The following LSS variants were observed in gnomAD, a reference collection of about 807,000 sequenced individuals.
LSS encodes 2,3-epoxysqualene-lanosterol cyclase.
A neutral mutation model predicts 110.3 loss-of-function variants in LSS; 90 were observed. That is an observed-to-expected ratio of 0.82 (90% CI 0.69 to 0.97). The LOEUF (loss-of-function observed/expected upper bound fraction) is 0.97, where lower values mean the gene tolerates loss of function less well. LSS is among the 50% of genes least tolerant of loss of function. LSS has a pLI of 0.00. For synonymous variants in LSS, 433 were observed against 400.0 expected, an observed-to-expected ratio of 1.08 and a Z score of -0.98; for missense variants, 927 against 990.0, an observed-to-expected ratio of 0.94 and a Z score of 0.85.
In LSS at chr21:46,190,108, G is replaced by A; in HGVS notation, c.*996C>T. The A allele has an allele frequency of 4.3e-6, 1 of 232,908 alleles. No individual in the cohort carries two copies. The highest frequency in any genetic ancestry group is 1.5e-4 in the East Asian group (1 of 6,676). The allele number at this position is 232,908 out of a possible 1,614,324, so 14.4% of individuals were successfully genotyped here. A position where few individuals can be genotyped will look rare whatever the true frequency, so the allele number is the denominator to read the frequency against. ...CCTGGGTATATGCCGGGCTCCCAGG[G>A]TGCCATACCTGCCAGCCAGCCCAGG... On this transcript the variant is annotated 3_prime_UTR_variant, in exon 22 of 22. Coordinates refer to ENST00000397728, the MANE Select transcript of LSS (RefSeq NM_002340.6). This position sits in a 1 kb window ranked among gnomAD's most constrained non-coding sequence, Gnocchi z 4.6.
intron 19 of LSS, among the ~76,000 whole-genome samples, chr21:46,195,246 C>T (rs2079893739): frequency 6.6e-6 from 1 of 152,196 alleles, no homozygotes; most frequent in African/African-American, 2.4e-5. Flanking sequence ...ACCAGGGAAA[C>T]ATCTTCATTT....
Position 46,189,602 on chromosome 21 carries a change from C to T in LSS, c.*1502G>A. ...CTGGGTGAGAGCCCTGGACTGCACA[C>T]CAAGGCAGAGGGGTGCCCCTGAAGG... On this transcript the variant is annotated 3_prime_UTR_variant, in exon 22 of 22. Coordinates refer to ENST00000397728, the MANE Select transcript of LSS (RefSeq NM_002340.6). The T allele has an allele frequency of 2.2e-6, 1 of 452,540 alleles. No homozygotes were observed. Among genetic ancestry groups the T allele is most frequent in the Non-Finnish European group, 4.4e-6 (1 of 225,588 alleles). The allele number at this position is 452,540 out of a possible 1,614,324, so 28.0% of individuals were successfully genotyped here.
intron 4 of LSS, 80 bp downstream of exon 4, chr21:46,222,550 G>T: frequency 2.3e-6 from 3 of 1,300,436 alleles, no homozygotes; most frequent in Non-Finnish European, 3.2e-6. Context: ...CCTGGCAGCT[G>T]CCTGGAAACC....
At chr21:46,205,726 T>G in intron 17 of LSS, 110 bp downstream of exon 17, 197 of 755,412 alleles carry the variant, frequency 2.6e-4, no homozygotes, top group Non-Finnish European at 3.3e-4. Context: ...CATGTTTCCA[T>G]GAGTTTCGCT....
Position 46,219,553 on chromosome 21 carries a change from G to A in LSS, c.570C>T (p.Pro190=), listed in dbSNP as rs779122540. ...LHKKGGAVAI[P]SWGKFWLAVL... ...CAGCCAGCCAGAACTTCCCCCAGGAGGGGATGGCCACAGCACCACCTGAGC... is the reference window on the plus strand; with the variant it reads ...CAGCCAGCCAGAACTTCCCCCAGGAAGGGATGGCCACAGCACCACCTGAGC... The change falls in exon 6 of 22, where the codon CCC becomes CCT. Residue 190 remains proline, a synonymous_variant. Transcript: ENST00000397728. The A allele has an allele frequency of 1.9e-6, 3 of 1,600,868 alleles. No homozygotes were observed. The highest frequency in any genetic ancestry group is 1.7e-5 in the Admixed American group (1 of 58,348).
chr21:46,228,504 G>C lies in LSS; in HGVS notation c.110C>G (p.Thr37Ser), dbSNP rs1313599649. ...GCCGGCGCGCTCGTCCTGCAGGTAG[G>C]TCCACGTCTGCCGGCCCCTCTCGCA... is the stretch of plus-strand genomic sequence containing the variant. ...LNCERGRQTW[T>S]YLQDERAGRE... Residue 37 changes from threonine to serine, a missense_variant, in exon 2 of 22, where the codon ACC becomes AGC. Transcript: ENST00000397728. 1.2e-6 allele frequency: 2 copies of C among 1,602,326 alleles called. No individual in the cohort carries two copies. Among genetic ancestry groups the C allele is most frequent in the East Asian group, 4.5e-5 (2 of 44,850 alleles).
rs755249322 is a variant in LSS at position 46,210,737 on chromosome 21, T to C, written c.1145A>G (p.Asn382Ser). The change falls in exon 12 of 22, where the codon AAC becomes AGC. Residue 382 changes from asparagine to serine, a missense_variant. Physicochemically the swap from Asn to Ser is conservative, Grantham distance 46 (BLOSUM62 1). Transcript: ENST00000397728. ...GLDGMKMQGTNGSQIWDTAFA... is the reference protein window; with the variant it reads ...GLDGMKMQGTSGSQIWDTAFA... ...TGCGGTGTCCCAGATCTGTGAGCCG[T>C]TGGTGCCCTACACACAAAGGATGGT... is the stretch of plus-strand genomic sequence containing the variant. 3.7e-6 allele frequency: 6 copies of C among 1,614,000 alleles called. No homozygotes were observed. The highest frequency in any genetic ancestry group is 1.7e-5 in the Admixed American group (1 of 60,000).
intron 10 of LSS, 42 bp downstream of exon 10, chr21:46,213,696 T>C (rs751625706): frequency 2.2e-5 from 35 of 1,559,684 alleles, no homozygotes; most frequent in Non-Finnish European, 2.6e-5. Flanking sequence ...TCAGATCCAG[T>C]CTTCGTGAGA....
rs552339778 is a variant in LSS at position 46,218,976 on chromosome 21, C to T, written c.647+500G>A. On this transcript the variant is annotated intron_variant, in intron 6 of 21. Coordinates refer to ENST00000397728, the MANE Select transcript of LSS (RefSeq NM_002340.6). ...CCTTGACCTCGTGATCTGCCCGCCT[C>T]GGCCTCCCGAAGTGCTGGGATTACA... Among the ~76,000 whole-genome samples the T allele has an allele frequency of 1.3e-3, 203 of 152,280 alleles. 1 individual carries two copies. Among genetic ancestry groups the T allele is most frequent in the African/African-American group, 4.4e-3 (182 of 41,560 alleles).
intron 11 of LSS, 142 bp downstream of exon 11, chr21:46,212,883 G>A: frequency 2.1e-6 from 2 of 948,220 alleles, no homozygotes; most frequent in Non-Finnish European, 1.7e-6. Flanking sequence ...GACACGGCCA[G>A]AGGCCTCAAC....
rs372251190 is a variant in LSS, at chr21:46,194,482, C to T, written c.1988+9G>A. On this transcript the variant is annotated intron_variant, in intron 20 of 21. Coordinates refer to ENST00000397728, the MANE Select transcript of LSS (RefSeq NM_002340.6). ...ACCCAAGGCTCAGGGACGGTCCCGT[C>T]GTCCCCACCGAACGGCCATCAGCCC... is the stretch of plus-strand genomic sequence containing the variant. 132 of 1,612,868 alleles carry T rather than the reference C, an allele frequency of 8.2e-5. No homozygotes were observed. Among genetic ancestry groups the T allele is most frequent in the Non-Finnish European group, 1.0e-4 (119 of 1,179,996 alleles).
At chr21:46,192,839 G>C (rs1171894127) in intron 20 of LSS, 17 of 450,068 alleles carry the variant, frequency 3.8e-5, no homozygotes, top group Non-Finnish European at 7.1e-5. Flanking sequence ...TCTGTGTGTG[G>C]CACAGATGGG....
intron 8 of LSS, 52 bp downstream of exon 8, chr21:46,215,633 C>CACCCTG (rs1168425410): frequency 7.7e-6 from 10 of 1,301,576 alleles, no homozygotes; most frequent in Admixed American, 4.0e-5. Context: ...GAGTGGGCGA[C>CACCCTG]ACCCTGACCC....
At chr21:46,228,113 T>C (rs1234331220) in intron 2 of LSS, among the ~76,000 whole-genome samples, 2 of 152,214 alleles carry the variant, frequency 1.3e-5, no homozygotes. Flanking sequence ...TCTCTTACAA[T>C]GCACACAACT....
chr21:46,207,526 T>A lies in LSS; in HGVS notation c.1369A>T (p.Thr457Ser). The change falls in exon 15 of 22, where the codon ACG becomes TCG. Residue 457 changes from threonine to serine, a missense_variant. Transcript: ENST00000397728. ...LDCGWIVSDC[T>S]AEALKAVLLL... ...AGCACAGCCTTCAAGGCCTCAGCCG[T>A]GCAGTCAGAAACGATCCAGCCGCAG... 6.2e-7 allele frequency: 1 copy of A among 1,612,038 alleles called. No individual in the cohort carries two copies. The highest frequency in any genetic ancestry group is 8.5e-7 in the Non-Finnish European group (1 of 1,179,364).
intron 14 of LSS, 72 bp from the exon 15 acceptor site, chr21:46,207,649 C>T: frequency 6.6e-7 from 1 of 1,507,984 alleles, no homozygotes; most frequent in East Asian, 2.4e-5. Context: ...CCCACAGCCG[C>T]ACGCATCCCT....
chr21:46,217,065 G>A (rs1002026680), intron 6 of LSS, among the ~76,000 whole-genome samples: 2 of 151,970 alleles, frequency 1.3e-5, no homozygotes, highest in Non-Finnish European at 2.9e-5. Flanking sequence ...TGACCAACAT[G>A]GCGAAACCCC....
Position 46,191,877 on chromosome 21 carries a change from A to G in LSS, c.2067+4T>C, listed in dbSNP as rs748950085. 2 of 1,612,382 alleles carry G rather than the reference A, an allele frequency of 1.2e-6. No individual in the cohort carries two copies. Among genetic ancestry groups the G allele is most frequent in the East Asian group, 2.2e-5 (1 of 44,866 alleles). ...CTTGTGCGCTCAGGTCCCTGGCGGCATACCTGCGGCCAGTCGCCATTGGGG... is the reference window on the plus strand; with the variant it reads ...CTTGTGCGCTCAGGTCCCTGGCGGCGTACCTGCGGCCAGTCGCCATTGGGG... On this transcript the variant is annotated splice_donor_region_variant and intron_variant, in intron 21 of 21. Transcript: ENST00000397728.
chr21:46,196,466 G>A, intron 17 of LSS, 199 bp from the exon 18 acceptor site: 1 of 577,278 alleles, frequency 1.7e-6, no homozygotes, highest in Non-Finnish European at 3.1e-6. Flanking sequence ...GATTGGCAGA[G>A]TCTGAGAAAG....
Sources: allele counts gnomAD v4.1 joint callset (sites outside exome capture counted in the v4.1 genomes callset), GRCh38; gene constraint gnomAD v4.1.1; non-coding constraint Gnocchi (gnomAD v3.1); transcripts MANE v1.5; gene names NCBI Gene and HGNC (gene_info 2026-07-23, HGNC 2026-07-21).